The following DENND1B variants were observed in gnomAD, a reference collection of about 807,000 sequenced individuals.
The protein encoded by DENND1B is DENN domain containing 1B.
A neutral mutation model predicts 90.1 loss-of-function variants in DENND1B; 59 were observed. That is an observed-to-expected ratio of 0.65 (90% CI 0.53 to 0.81). The LOEUF is 0.81. Ranked by LOEUF, DENND1B falls within the 40% of genes least tolerant of loss-of-function variation. The pLI, the probability that DENND1B is intolerant of heterozygous loss-of-function variation, is 0.00. For missense variants in DENND1B, 862 were observed against 912.6 expected, an observed-to-expected ratio of 0.94 and a Z score of 0.71; for synonymous variants, 337 against 324.6, an observed-to-expected ratio of 1.04 and a Z score of -0.41.
intron 3 of DENND1B, among the ~76,000 whole-genome samples, chr1:197,683,390 A>G (rs1284875476): frequency 6.6e-6 from 1 of 152,160 alleles, no homozygotes; most frequent in Non-Finnish European, 1.5e-5. Context: ...AGAAGGCTGA[A>G]AAGGGGCAAG....
chr1:197,599,625 G>T (rs1015598914), intron 13 of DENND1B, among the ~76,000 whole-genome samples: 1 of 151,596 alleles, frequency 6.6e-6, no homozygotes, highest in Non-Finnish European at 1.5e-5. Context: ...ACATGAATTA[G>T]ATATTAAATC....
chr1:197,607,526 GC>G (rs1676798856), intron 12 of DENND1B, among the ~76,000 whole-genome samples: 1 of 150,592 alleles, frequency 6.6e-6, no homozygotes, highest in African/African-American at 2.4e-5. Flanking sequence ...AGAATTCATG[GC>G]CAGCTCTATA....
intron 3 of DENND1B, among the ~76,000 whole-genome samples, chr1:197,695,289 TAAG>T (rs1658315772): frequency 6.6e-6 from 1 of 151,046 alleles, no homozygotes; most frequent in Admixed American, 6.6e-5. Context: ...TTTTTAGTCA[TAAG>T]AATATACCAA....
upstream of DENND1B, among the ~76,000 whole-genome samples, chr1:197,777,832 T>A (rs1657339307): frequency 6.6e-6 from 1 of 152,178 alleles, no homozygotes; most frequent in Non-Finnish European, 1.5e-5. Flanking sequence ...TTTTAAATGT[T>A]TCAAGACTTA....
chr1:197,658,134 C>T (rs1654036300), intron 6 of DENND1B, among the ~76,000 whole-genome samples, 166 bp downstream of exon 6: 1 of 151,996 alleles, frequency 6.6e-6, no homozygotes. Context: ...TGGATACAGA[C>T]AGAGTTTTAG....
At chr1:197,577,686 G>A (rs1026801238) in intron 15 of DENND1B, among the ~76,000 whole-genome samples, 13 of 152,300 alleles carry the variant, frequency 8.5e-5, no homozygotes, top group African/African-American at 3.1e-4. Context: ...AAAGCTGCTA[G>A]CTAAAGAAAG....
At chr1:197,615,280 T>C (rs1019215669) in intron 11 of DENND1B, among the ~76,000 whole-genome samples, 1 of 151,098 alleles carries the variant, frequency 6.6e-6, no homozygotes, top group Non-Finnish European at 1.5e-5. Flanking sequence ...AATGAACAAG[T>C]GAATGGATGA....
chr1:197,621,804 A>T (rs1287339268), intron 10 of DENND1B, among the ~76,000 whole-genome samples: 1 of 151,454 alleles, frequency 6.6e-6, no homozygotes, highest in African/African-American at 2.4e-5. Context: ...ACTGAATAAT[A>T]CACTGTTATA....
chr1:197,523,563 G>A (rs1668926199), intron 20 of DENND1B, among the ~76,000 whole-genome samples: 1 of 152,152 alleles, frequency 6.6e-6, no homozygotes, highest in Admixed American at 6.6e-5. Context: ...CCTCTATATA[G>A]CTCAGGGGTT....
chr1:197,676,317 G>C (rs1484323286), intron 3 of DENND1B, among the ~76,000 whole-genome samples: 1 of 152,012 alleles, frequency 6.6e-6, no homozygotes, highest in African/African-American at 2.4e-5. Flanking sequence ...AGCTTTTATG[G>C]ATCCTCTTAG....
intron 2 of DENND1B, among the ~76,000 whole-genome samples, chr1:197,757,910 A>T (rs988202459): frequency 7.9e-5 from 12 of 152,218 alleles, no homozygotes; most frequent in Non-Finnish European, 1.6e-4. Flanking sequence ...TATTATCCTT[A>T]ATTTTAGCTC....
chr1:197,531,307 A>G (rs1357505676), intron 20 of DENND1B, among the ~76,000 whole-genome samples: 1 of 152,208 alleles, frequency 6.6e-6, no homozygotes, highest in Non-Finnish European at 1.5e-5. Flanking sequence ...AGGAACATGA[A>G]AATTATCTAG....
intron 13 of DENND1B, among the ~76,000 whole-genome samples, chr1:197,598,388 A>G (rs1675899978): frequency 6.6e-6 from 1 of 151,824 alleles, no homozygotes; most frequent in Non-Finnish European, 1.5e-5. Flanking sequence ...GGATATTAAT[A>G]TAATATAAAA....
In DENND1B at chr1:197,645,749, C is replaced by A. The variant is rs777782332; in HGVS notation, c.508-6G>T. The A allele has an allele frequency of 2.6e-6, 4 of 1,550,628 alleles. No homozygotes were observed. In the South Asian group the frequency reaches 5.1e-5, roughly 20 times the overall value. ...GGGGCAATGAAGTAGGAATGCTAAT[C>A]AATACAAATAAATCACATATGAAAA... On this transcript the variant is annotated splice_polypyrimidine_tract_variant and splice_region_variant and intron_variant, in intron 8 of 22. Transcript: ENST00000620048.
chr1:197,657,246 A>G (rs1014059296), intron 6 of DENND1B, among the ~76,000 whole-genome samples: 7 of 152,182 alleles, frequency 4.6e-5, no homozygotes, highest in Admixed American at 3.9e-4. Flanking sequence ...ATGATTTAAA[A>G]ATGGGCAAAG....
At chr1:197,573,938 G>C (rs932656068) in intron 15 of DENND1B, among the ~76,000 whole-genome samples, 1 of 152,084 alleles carries the variant, frequency 6.6e-6, no homozygotes, top group Non-Finnish European at 1.5e-5. Flanking sequence ...GGTATTGATG[G>C]AACATATCTC....
intron 10 of DENND1B, among the ~76,000 whole-genome samples, chr1:197,621,855 G>GA (rs971290362): frequency 6.6e-6 from 1 of 151,224 alleles, no homozygotes; most frequent in African/African-American, 2.4e-5. Context: ...AAGGTTTATG[G>GA]AAAAAAATTT....
chr1:197,745,243 T>C (rs1663602061), intron 2 of DENND1B, among the ~76,000 whole-genome samples: 1 of 152,128 alleles, frequency 6.6e-6, no homozygotes, highest in African/African-American at 2.4e-5. Flanking sequence ...ACACAAACAG[T>C]TAGTCGGGTG....
chr1:197,735,268 C>A, intron 2 of DENND1B: 1 of 1,147,814 alleles, frequency 8.7e-7, no homozygotes, highest in Non-Finnish European at 1.1e-6. Context: ...ATACATCCAC[C>A]CAAATACTGG....
Sources: gnomAD v4.1 joint callset for allele counts (sites outside exome capture counted in the v4.1 genomes callset) on GRCh38, gnomAD v4.1.1 for gene constraint, MANE v1.5 for transcripts, NCBI Gene and HGNC (gene_info 2026-07-23, HGNC 2026-07-21) for gene names.